The following GLRA3 variants were observed in gnomAD, a reference collection of about 807,000 sequenced individuals.
GLRA3 encodes glycine receptor subunit alpha-3.
In GLRA3, 44 loss-of-function variants were observed where a neutral mutation model predicts 60.4. The observed-to-expected ratio is 0.73, with a 90% CI of 0.57 to 0.94. The LOEUF is 0.94. Among genes scored for constraint, GLRA3 ranks in the 40% least tolerant of loss-of-function variants. The pLI is 0.00. For synonymous variants in GLRA3, 223 were observed against 192.9 expected, an observed-to-expected ratio of 1.16 and a Z score of -1.29; for missense variants, 508 against 564.6, an observed-to-expected ratio of 0.90 and a Z score of 1.02.
At chr4:174,762,151 G>A (rs1737964949) in intron 3 of GLRA3, among the ~76,000 whole-genome samples, 1 of 152,070 alleles carries the variant, frequency 6.6e-6, no homozygotes, top group African/African-American at 2.4e-5. Context: ...GGTTTGTGTG[G>A]GGGCGTTATG....
intron 2 of GLRA3, among the ~76,000 whole-genome samples, chr4:174,788,411 A>G (rs1449627517): frequency 1.3e-5 from 2 of 152,032 alleles, no homozygotes; most frequent in South Asian, 2.1e-4. Context: ...TAGATTCCCC[A>G]CAATATAGAC....
intron 2 of GLRA3, among the ~76,000 whole-genome samples, chr4:174,782,913 AATGCC>A (rs1738949589): frequency 6.6e-6 from 1 of 152,106 alleles, no homozygotes; most frequent in Non-Finnish European, 1.5e-5. Context: ...TTACAGATTC[AATGCC>A]ATCCCCATCA....
chr4:174,798,700 G>A (rs540616853), intron 1 of GLRA3, among the ~76,000 whole-genome samples: 25 of 152,292 alleles, frequency 1.6e-4, no homozygotes, highest in South Asian at 8.3e-4. Flanking sequence ...CAAGGCGGGC[G>A]GATCACGAGG....
At chr4:174,644,114 T>C in intron 9 of GLRA3, 50 bp from the exon 10 acceptor site, 2 of 1,028,206 alleles carry the variant, frequency 1.9e-6, no homozygotes, top group South Asian at 3.0e-5. Context: ...ATAGAGCATG[T>C]ATAACAGGCA....
intron 3 of GLRA3, among the ~76,000 whole-genome samples, chr4:174,742,073 A>G (rs1259726332): frequency 6.6e-6 from 1 of 152,180 alleles, no homozygotes; most frequent in Non-Finnish European, 1.5e-5. Context: ...GTCAGGTATG[A>G]CAAAACACAA....
chr4:174,730,619 T>C (rs75427214), intron 3 of GLRA3, among the ~76,000 whole-genome samples: 28,945 of 152,170 alleles, frequency 0.19, 3,247 homozygotes, highest in East Asian at 0.47. Context: ...TCTTTATCCT[T>C]ATGTTATTAG....
At chr4:174,771,593 A>C (rs753107474) in intron 2 of GLRA3, among the ~76,000 whole-genome samples, 4 of 152,126 alleles carry the variant, frequency 2.6e-5, no homozygotes, top group Non-Finnish European at 5.9e-5. Context: ...CCTGTAAATA[A>C]AATGCTGATG....
intron 5 of GLRA3, chr4:174,712,866 T>G (rs1371900225): frequency 6.6e-6 from 1 of 152,018 alleles, no homozygotes; most frequent in Non-Finnish European, 1.5e-5. Context: ...CACATATATA[T>G]GTAGATTTGT....
intron 9 of GLRA3, among the ~76,000 whole-genome samples, chr4:174,650,166 T>G (rs1279923673): frequency 6.6e-6 from 1 of 152,084 alleles, no homozygotes; most frequent in Non-Finnish European, 1.5e-5. Flanking sequence ...TCACAAACAT[T>G]AAGGGACAAA....
In GLRA3 at chr4:174,767,003, A is replaced by G; in HGVS notation, c.227T>C (p.Ile76Thr). 1 of 1,602,946 alleles carries G rather than the reference A, an allele frequency of 6.2e-7. No homozygotes were observed. The highest frequency in any genetic ancestry group is 8.5e-7 in the Non-Finnish European group (1 of 1,170,710). Reference protein sequence around the residue: ...KGPPVNVTCNIFINSFGSIAE... With the variant: ...KGPPVNVTCNTFINSFGSIAE... ...GATAGAGCCAAAGCTGTTGATGAAT[A>G]TGTTGCATGTGACATTAACTGGAGG... Residue 76 changes from isoleucine to threonine, a missense_variant, in exon 3 of 10, where the codon ATA (isoleucine) becomes ACA (threonine). Coordinates refer to ENST00000274093, the MANE Select transcript of GLRA3 (RefSeq NM_006529.4).
intron 1 of GLRA3, among the ~76,000 whole-genome samples, chr4:174,797,709 G>T (rs1206769065): frequency 6.6e-6 from 1 of 151,930 alleles, no homozygotes; most frequent in African/African-American, 2.4e-5. Context: ...AAGGTGGGAG[G>T]ATGACTGAGT....
intron 3 of GLRA3, among the ~76,000 whole-genome samples, chr4:174,764,417 A>T (rs1260571418): frequency 6.6e-6 from 1 of 152,070 alleles, no homozygotes; most frequent in African/African-American, 2.4e-5. Context: ...TTAAATATGA[A>T]TTCTCAGACA....
At chr4:174,713,149 T>C (rs1458093180) in intron 5 of GLRA3, among the ~76,000 whole-genome samples, 1 of 152,108 alleles carries the variant, frequency 6.6e-6, no homozygotes, top group Non-Finnish European at 1.5e-5. Context: ...TTAAAATTAA[T>C]TCCTAATAAG....
intron 4 of GLRA3, among the ~76,000 whole-genome samples, chr4:174,724,408 A>G (rs1301798111): frequency 6.6e-6 from 1 of 152,116 alleles, no homozygotes; most frequent in Non-Finnish European, 1.5e-5. Flanking sequence ...AAGTCATGTG[A>G]CCACAGAAGG....
chr4:174,813,299 CAG>C (rs1334437577), intron 1 of GLRA3, among the ~76,000 whole-genome samples: 1 of 152,142 alleles, frequency 6.6e-6, no homozygotes, highest in African/African-American at 2.4e-5. Flanking sequence ...GAAAAATAAA[CAG>C]AGAATTTTAA....
At chr4:174,810,470 G>T in intron 1 of GLRA3, among the ~76,000 whole-genome samples, 1 of 151,476 alleles carries the variant, frequency 6.6e-6, no homozygotes. Flanking sequence ...GTATTTATTT[G>T]TGGTCACATA....
intron 2 of GLRA3, among the ~76,000 whole-genome samples, chr4:174,770,335 A>G (rs1738330270): frequency 6.6e-6 from 1 of 152,100 alleles, no homozygotes; most frequent in Non-Finnish European, 1.5e-5. Context: ...AAAGCTTCCT[A>G]GGTCATTATA....
At chr4:174,676,977 G>A (rs748129129) in intron 7 of GLRA3, 101 bp downstream of exon 7, 7 of 685,434 alleles carry the variant, frequency 1.0e-5, no homozygotes, top group Non-Finnish European at 1.8e-5. Flanking sequence ...TAATGCCATT[G>A]AAATGCCATT....
Position 174,642,504 on chromosome 4 carries a change from G to C in GLRA3, c.*1282C>G. On this transcript the variant is annotated 3_prime_UTR_variant, in exon 10 of 10. Transcript: ENST00000274093. Reference sequence around the variant, plus strand: ...GTCAGAGTCTGGTTCTGTTTACCAAGAACTCTATCATACATTTGCACCCAA... The same window carrying C: ...GTCAGAGTCTGGTTCTGTTTACCAACAACTCTATCATACATTTGCACCCAA... 10 of 974,786 alleles carry C rather than the reference G, an allele frequency of 1.0e-5. No individual in the cohort carries two copies. The highest frequency in any genetic ancestry group is 1.2e-5 in the Non-Finnish European group (10 of 820,402). 60.4% of individuals were successfully genotyped at this position (974,786 alleles called of 1,614,324 possible). A position where few individuals can be genotyped will look rare whatever the true frequency, so the allele number is the denominator to read the frequency against.
Sources: allele counts gnomAD v4.1 joint callset (sites outside exome capture counted in the v4.1 genomes callset), GRCh38; gene constraint gnomAD v4.1.1; transcripts MANE v1.5; gene names NCBI Gene and HGNC (gene_info 2026-07-23, HGNC 2026-07-21).